Variants in PPP2R2D observed in about 807,000 individuals in gnomAD.
The protein encoded by PPP2R2D is serine/threonine-protein phosphatase 2A 55 kDa regulatory subunit B delta isoform.
PPP2R2D carries 9 observed loss-of-function variants against 31.1 expected under a neutral mutation model. The observed-to-expected ratio is 0.29, with a 90% confidence interval of 0.17 to 0.51. PPP2R2D has a LOEUF of 0.51. Among genes scored for constraint, PPP2R2D ranks in the 20% least tolerant of loss-of-function variants. The pLI is 0.98. For synonymous variants in PPP2R2D, 179 were observed against 172.6 expected, an observed-to-expected ratio of 1.04 and a Z score of -0.29; for missense variants, 391 against 465.6, an observed-to-expected ratio of 0.84 and a Z score of 1.48.
intron 2 of PPP2R2D, chr10:131,912,333 C>T (rs899210301): frequency 1.3e-4 from 20 of 152,286 alleles, no homozygotes; most frequent in African/African-American, 4.1e-4. Flanking sequence ...GAACTATAGG[C>T]TTGCACTGCC....
chr10:131,951,960 G>A (rs933616346), intron 8 of PPP2R2D, among the ~76,000 whole-genome samples: 1 of 152,246 alleles, frequency 6.6e-6, no homozygotes, highest in Non-Finnish European at 1.5e-5. Flanking sequence ...AGTGCAGGGG[G>A]GTCCCTGTCT....
chr10:131,959,995 C>G (rs1410722628), downstream of PPP2R2D, among the ~76,000 whole-genome samples: 1 of 152,190 alleles, frequency 6.6e-6, no homozygotes, highest in Non-Finnish European at 1.5e-5. Context: ...GTGGAACTGC[C>G]ACTGCCTTGA....
chr10:131,970,745 G>A, the PPP2R2D span: 1 of 1,614,190 alleles, frequency 6.2e-7, no homozygotes. This position sits in a 1 kb window ranked among gnomAD's most constrained non-coding sequence, Gnocchi z 4.1. Context: ...TGTTCCTCAT[G>A]CTGAGGGTGG....
Position 131,957,128 on chromosome 10 carries a change from C to T in PPP2R2D, c.*1165C>T, listed in dbSNP as rs11146340. On this transcript the variant is annotated 3_prime_UTR_variant, in exon 9 of 9. Coordinates refer to ENST00000455566, the MANE Select transcript of PPP2R2D (RefSeq NM_018461.5). ...GCTTGCTTCCGTGGGATTTAACACA[C>T]GCCCACTACGTGTCCCCGAGGGGAG... The T allele has an allele frequency of 3.7e-3, 601 of 161,216 alleles. 5 individuals carry two copies. Among genetic ancestry groups the T allele is most frequent in the Middle Eastern group, 0.016 (5 of 322 alleles). 10.0% of individuals were successfully genotyped at this position (161,216 alleles called of 1,614,324 possible).
intron 2 of PPP2R2D, among the ~76,000 whole-genome samples, chr10:131,927,087 C>T (rs1373165815): frequency 2.6e-5 from 4 of 152,146 alleles, no homozygotes; most frequent in African/African-American, 9.7e-5. Context: ...CAGGGGGTGT[C>T]TTTGACGGGG....
Position 131,945,538 on chromosome 10 carries a change from CA to C in PPP2R2D, c.820+81del. On this transcript the variant is annotated intron_variant, in intron 7 of 8. Transcript: ENST00000455566. This position sits in a 1 kb window ranked among gnomAD's most constrained non-coding sequence, Gnocchi z 4.8. ...GCAGTGACACAGTCTCGGCTCACGGCAAGCTCCGCCTCCCGGGTTCCAGCAA... is the reference window on the plus strand; with the variant it reads ...GCAGTGACACAGTCTCGGCTCACGGCAGCTCCGCCTCCCGGGTTCCAGCAA... The C allele has an allele frequency of 6.7e-7, 1 of 1,482,100 alleles. No homozygotes were observed. The highest frequency in any genetic ancestry group is 2.3e-5 in the East Asian group (1 of 42,684). 91.8% of individuals were successfully genotyped at this position (1,482,100 alleles called of 1,614,324 possible). A position where few individuals can be genotyped will look rare whatever the true frequency, so the allele number is the denominator to read the frequency against.
chr10:131,907,196 A>AT (rs1166869465), intron 2 of PPP2R2D, among the ~76,000 whole-genome samples: 233 of 151,756 alleles, frequency 1.5e-3, no homozygotes, highest in African/African-American at 5.0e-3. Flanking sequence ...TTATTCATTT[A>AT]TATTTTTTTT....
chr10:131,901,202 G>A lies in PPP2R2D; in HGVS notation c.8-36G>A, dbSNP rs1164976252. On this transcript the variant is annotated intron_variant, in intron 1 of 8. Coordinates refer to ENST00000455566, the MANE Select transcript of PPP2R2D (RefSeq NM_018461.5). Reference sequence around the variant, plus strand: ...GCGGGGACCACGGGGGCGGGCGGGGGCCGCGGCCGGCCTGACCGCCCCGTT... The same window carrying A: ...GCGGGGACCACGGGGGCGGGCGGGGACCGCGGCCGGCCTGACCGCCCCGTT... The A allele has an allele frequency of 5.1e-5, 17 of 336,452 alleles. 1 individual carries two copies. In the East Asian group the frequency reaches 7.2e-4, roughly 14 times the overall value. 20.8% of individuals were successfully genotyped at this position (336,452 alleles called of 1,614,324 possible). A position where few individuals can be genotyped will look rare whatever the true frequency, so the allele number is the denominator to read the frequency against.
At chr10:131,969,363 G>A in the PPP2R2D span, 6 of 152,126 alleles carry the variant, frequency 3.9e-5, no homozygotes, top group Admixed American at 6.6e-5. Flanking sequence ...TGAGGATCCC[G>A]AGGCCTTGCC....
At chr10:131,953,138 G>A (rs1253814066) in intron 8 of PPP2R2D, among the ~76,000 whole-genome samples, 3 of 130,738 alleles carry the variant, frequency 2.3e-5, no homozygotes, top group East Asian at 2.4e-4. Context: ...GTGACTTGCA[G>A]GTTTGCGGGG....
At chr10:131,927,191 G>A (rs2036123319) in intron 2 of PPP2R2D, among the ~76,000 whole-genome samples, 1 of 152,140 alleles carries the variant, frequency 6.6e-6, no homozygotes. Context: ...GGTGCTGGAA[G>A]TTTGAGGGGA....
At chr10:131,929,347 T>A (rs965860696) in intron 2 of PPP2R2D, among the ~76,000 whole-genome samples, 3 of 152,354 alleles carry the variant, frequency 2.0e-5, no homozygotes, top group Admixed American at 1.3e-4. Flanking sequence ...TTTCGTTCAC[T>A]AAAGCGTAAG....
In PPP2R2D at chr10:131,941,347, A is replaced by G. The variant is rs185958895; in HGVS notation, c.477+653A>G. ...AATGTCTTATAATTGGCCTGGTGCTACGCACCACTGATGTTGTCTTAAATT... is the reference window on the plus strand; with the variant it reads ...AATGTCTTATAATTGGCCTGGTGCTGCGCACCACTGATGTTGTCTTAAATT... On this transcript the variant is annotated intron_variant, in intron 5 of 8. Transcript: ENST00000455566. Among the ~76,000 whole-genome samples, 380 of 152,356 alleles carry G rather than the reference A, an allele frequency of 2.5e-3. 1 individual carries two copies. Among genetic ancestry groups the G allele is most frequent in the South Asian group, 0.015 (74 of 4,824 alleles).
Position 131,945,576 on chromosome 10 carries a change from C to T in PPP2R2D, c.820+117C>T, listed in dbSNP as rs1554897902. On this transcript the variant is annotated intron_variant, in intron 7 of 8. Coordinates refer to ENST00000455566, the MANE Select transcript of PPP2R2D (RefSeq NM_018461.5). This position sits in a 1 kb window ranked among gnomAD's most constrained non-coding sequence, Gnocchi z 4.8. ...CCGGGTTCCAGCAAGTCTTCTGCCT[C>T]GGCCTCCCGAGTAGCTGGGACCACA... The T allele has an allele frequency of 7.1e-6, 9 of 1,263,650 alleles. No homozygotes were observed. Among genetic ancestry groups the T allele is most frequent in the African/African-American group, 3.0e-5 (2 of 66,682 alleles). The allele number at this position is 1,263,650 out of a possible 1,614,324, so 78.3% of individuals were successfully genotyped here. A position where few individuals can be genotyped will look rare whatever the true frequency, so the allele number is the denominator to read the frequency against.
chr10:131,951,006 G>A (rs1227021976), intron 8 of PPP2R2D, among the ~76,000 whole-genome samples: 2 of 152,290 alleles, frequency 1.3e-5, no homozygotes, highest in South Asian at 2.1e-4. Flanking sequence ...TCCAGAATAG[G>A]TGCAGAATTA....
intron 2 of PPP2R2D, among the ~76,000 whole-genome samples, chr10:131,908,372 C>T (rs1182809479): frequency 6.6e-6 from 1 of 152,218 alleles, no homozygotes; most frequent in Non-Finnish European, 1.5e-5. Flanking sequence ...CTTGGCGAGT[C>T]CCTGCTCCAG....
rs781880790 is a variant in PPP2R2D, at chr10:131,940,685, G to A, written c.468G>A (p.Thr156=). The change falls in exon 5 of 9, where the codon ACG becomes ACA. Residue 156 remains threonine, a synonymous_variant. Transcript: ENST00000455566. The stretch of plus-strand genomic sequence containing the variant: ...GACTTCGAGACCCATTTAGGATCAC[G>A]GCGCTACGGGTACACGTTGCCTTTG... ...DGRLRDPFRI[T]ALRVPILKPM... 5.2e-6 allele frequency: 4 copies of A among 776,018 alleles called. No individual in the cohort carries two copies. Among genetic ancestry groups the A allele is most frequent in the South Asian group, 2.7e-5 (2 of 73,172 alleles). 48.1% of individuals were successfully genotyped at this position (776,018 alleles called of 1,614,324 possible). A position where few individuals can be genotyped will look rare whatever the true frequency, so the allele number is the denominator to read the frequency against.
rs886154152 is a variant in PPP2R2D at position 131,944,085 on chromosome 10, C to T, written c.595C>T (p.Leu199Phe). The change falls in exon 6 of 9, where the codon CTT becomes TTT. Residue 199 changes from leucine (L) to phenylalanine (F), a missense_variant. This residue lies in a region of PPP2R2D where 123 missense variants were observed against 187.7 expected (regional missense o/e 0.66). Coordinates refer to ENST00000455566, the MANE Select transcript of PPP2R2D (RefSeq NM_018461.5). The part of the protein sequence containing the change: ...ISVNSDHETY[L>F]SADDLRINLW... ...AGTAAATAGTGATCATGAAACATAT[C>T]TTTCTGCAGATGACCTGAGAATTAA... 2.5e-6 allele frequency: 4 copies of T among 1,611,554 alleles called. No individual in the cohort carries two copies. Among genetic ancestry groups the T allele is most frequent in the Middle Eastern group, 1.7e-4 (1 of 6,058 alleles).
At chr10:131,959,982 C>T (rs559692654), downstream of PPP2R2D, 3 of 152,224 alleles carry the variant, frequency 2.0e-5, no homozygotes, top group Admixed American at 2.0e-4. Flanking sequence ...CACTGCTGCT[C>T]CCGTGGAACT....
Sources: gnomAD v4.1 joint callset for allele counts (sites outside exome capture counted in the v4.1 genomes callset) on GRCh38, gnomAD v4.1.1 for gene constraint, gnomAD v4.1.1 regional missense constraint, Gnocchi (gnomAD v3.1) non-coding constraint, MANE v1.5 for transcripts, NCBI Gene and HGNC (gene_info 2026-07-23, HGNC 2026-07-21) for gene names.